Variants in EPC1 observed in about 807,000 individuals in gnomAD.
EPC1 encodes enhancer of polycomb 1, also known as enhancer of polycomb homolog 1.
EPC1 carries 12 observed loss-of-function variants against 98.4 expected under a neutral mutation model. The ratio of observed to expected loss-of-function variants is 0.12; its 90% CI spans 0.08 to 0.20. The LOEUF is 0.20. Among genes scored for constraint, EPC1 ranks in the 10% least tolerant of loss-of-function variants. The pLI, the probability that EPC1 is intolerant of heterozygous loss-of-function variation, is 1.00. For synonymous variants in EPC1, 357 were observed against 363.9 expected (o/e 0.98, Z 0.21); for missense variants, 729 against 990.5 (o/e 0.74, Z 3.54).
chr10:32,352,807 G>T (rs183770057), intron 1 of EPC1, among the ~76,000 whole-genome samples: 107 of 152,264 alleles, frequency 7.0e-4, no homozygotes, highest in African/African-American at 2.5e-3. Flanking sequence ...GTTTAGAGAG[G>T]TTGTGTGACT....
At chr10:32,356,750 C>T (rs1485848263) in intron 1 of EPC1, among the ~76,000 whole-genome samples, 3 of 152,078 alleles carry the variant, frequency 2.0e-5, no homozygotes, top group East Asian at 1.9e-4. Context: ...TTTGGGAGGC[C>T]GAGGCGGGCG....
intron 1 of EPC1, among the ~76,000 whole-genome samples, chr10:32,360,718 ACCCCGT>A (rs1302465055): frequency 6.6e-6 from 1 of 152,034 alleles, no homozygotes; most frequent in African/African-American, 2.4e-5. Context: ...ACATGGTGAA[ACCCCGT>A]CTCTACTAAA....
At chr10:32,298,981 AACTTAT>A (rs1198401680) in intron 2 of EPC1, among the ~76,000 whole-genome samples, 23 of 152,320 alleles carry the variant, frequency 1.5e-4, no homozygotes, top group Non-Finnish European at 2.8e-4. Flanking sequence ...TAGAAGTCAA[AACTTAT>A]ATAAGTTGTT....
chr10:32,302,411 G>A (rs1835607539), intron 2 of EPC1, among the ~76,000 whole-genome samples: 1 of 152,098 alleles, frequency 6.6e-6, no homozygotes, highest in African/African-American at 2.4e-5. Flanking sequence ...ACTTTGGGAG[G>A]CCGAGGCGGG....
At chr10:32,296,143 G>C (rs1835145943) in intron 2 of EPC1, among the ~76,000 whole-genome samples, 1 of 151,836 alleles carries the variant, frequency 6.6e-6, no homozygotes, top group Admixed American at 6.6e-5. Flanking sequence ...ATCTTGGCCA[G>C]GCTGGCTGGT....
intron 2 of EPC1, among the ~76,000 whole-genome samples, chr10:32,294,507 T>C (rs2505379): frequency 0.85 from 129,816 of 152,212 alleles, 55,460 homozygotes; most frequent in East Asian, 0.96. Context: ...TGGAATCACA[T>C]TGGTGCTCAA....
intron 1 of EPC1, among the ~76,000 whole-genome samples, chr10:32,344,561 G>A (rs1048432620): frequency 2.6e-5 from 4 of 151,872 alleles, no homozygotes; most frequent in South Asian, 2.1e-4. Context: ...CGAGGCGGGC[G>A]GATCACCTGA....
At chr10:32,378,576 C>A in exon 1 of EPC1, 1 of 994,564 alleles carries the variant, frequency 1.0e-6, no homozygotes, top group South Asian at 1.7e-5. Flanking sequence ...GAAACAACAG[C>A]CTCCAGGCAG....
At position 32,346,986 on chromosome 10, in the gene EPC1, G is replaced by T; in HGVS notation, c.-71C>A. ...CCAGCGGGATCATGGAGAACCGGGG[G>T]TTCGGTCCCCACTCGCCAACCGCTG... On this transcript the variant is annotated 5_prime_UTR_variant, in exon 1 of 14. Coordinates refer to ENST00000319778, the MANE Select transcript of EPC1 (RefSeq NM_001272004.3). 1 of 1,580,886 alleles carries T rather than the reference G, an allele frequency of 6.3e-7. No individual in the cohort carries two copies. The highest frequency in any genetic ancestry group is 8.5e-7 in the Non-Finnish European group (1 of 1,169,656).
At chr10:32,313,552 A>G (rs1207351078) in intron 1 of EPC1, among the ~76,000 whole-genome samples, 1 of 152,260 alleles carries the variant, frequency 6.6e-6, no homozygotes, top group African/African-American at 2.4e-5. Context: ...GTGACATTTA[A>G]GCTAATATCT....
chr10:32,287,846 C>T lies in EPC1; in HGVS notation c.976-572G>A, dbSNP rs1009576257. On this transcript the variant is annotated intron_variant, in intron 6 of 13. Transcript: ENST00000319778. ...GCTTTCTGAAATGGTGACTTTTGAA[C>T]AGTTTTAAAGGATAAAGATATGAAA... 3.3e-5 allele frequency among the ~76,000 whole-genome samples: 5 copies of T among 151,910 alleles called. 1 individual carries two copies. Among genetic ancestry groups the T allele is most frequent in the Admixed American group, 2.6e-4 (4 of 15,250 alleles).
chr10:32,305,501 G>GTTTTTTTTTTTTTTTTTTTTTTTT (rs55988267), intron 2 of EPC1, among the ~76,000 whole-genome samples: 1 of 146,778 alleles, frequency 6.8e-6, no homozygotes. Context: ...CTATATCTGA[G>GTTTTTTTTTTTTTTTTTTTTTTTT]TTTTTTTTTT....
intron 2 of EPC1, among the ~76,000 whole-genome samples, chr10:32,304,980 A>G (rs117761080): frequency 0.012 from 1,810 of 152,160 alleles, 16 homozygotes; most frequent in Non-Finnish European, 0.014. Context: ...AAGATTAACA[A>G]GACAATGAAA....
chr10:32,301,082 C>G (rs1311289333), intron 2 of EPC1, among the ~76,000 whole-genome samples: 1 of 151,986 alleles, frequency 6.6e-6, no homozygotes, highest in African/African-American at 2.4e-5. Flanking sequence ...ATCTATCTAT[C>G]TATCTATCTG....
chr10:32,313,447 C>T (rs1466111820), intron 1 of EPC1, among the ~76,000 whole-genome samples: 1 of 152,010 alleles, frequency 6.6e-6, no homozygotes, highest in African/African-American at 2.4e-5. Context: ...ATAAATTGTA[C>T]AGTGTAATAA....
At chr10:32,279,364 GA>G (rs1304274742) in intron 10 of EPC1, among the ~76,000 whole-genome samples, 3 of 145,218 alleles carry the variant, frequency 2.1e-5, no homozygotes, top group Non-Finnish European at 3.0e-5. Flanking sequence ...AAAAAAAAAA[GA>G]AAAAAAACTT....
chr10:32,347,347 G>GGGGCGGACA (rs555606777), upstream of EPC1: 4 of 304,628 alleles, frequency 1.3e-5, no homozygotes, highest in South Asian at 1.3e-4. Context: ...CGCGGGTCCG[G>GGGGCGGACA]GGGCGGACAG....
intron 1 of EPC1, among the ~76,000 whole-genome samples, chr10:32,374,107 T>A (rs1839822781): frequency 1.3e-5 from 2 of 152,320 alleles, no homozygotes; most frequent in South Asian, 4.1e-4. Flanking sequence ...TCCTGCTCCA[T>A]ACCTGATATG....
chr10:32,293,841 G>GA, intron 2 of EPC1, 104 bp from the exon 3 acceptor site: 1 of 1,106,842 alleles, frequency 9.0e-7, no homozygotes, highest in Non-Finnish European at 1.2e-6. Flanking sequence ...AAAGAAATAA[G>GA]AAAGAATTCT....
Sources: gnomAD v4.1 joint callset for allele counts (sites outside exome capture counted in the v4.1 genomes callset) on GRCh38, gnomAD v4.1.1 for gene constraint, MANE v1.5 for transcripts, NCBI Gene and HGNC (gene_info 2026-07-23, HGNC 2026-07-21) for gene names.